TRIM72: variants seen among roughly 807,000 people sequenced by gnomAD.
TRIM72 encodes the protein tripartite motif-containing protein 72.
In TRIM72, 33 loss-of-function variants were observed where a neutral mutation model predicts 31.6. That is an observed-to-expected ratio of 1.04 (90% CI 0.79 to 1.40). TRIM72 has a LOEUF of 1.40. Ranked by LOEUF, TRIM72 falls within the 40% of genes most tolerant of loss-of-function variation. The pLI is 0.00. For missense variants in TRIM72, 666 were observed against 682.7 expected (o/e 0.98, Z 0.27); for synonymous variants, 301 against 314.4 (o/e 0.96, Z 0.45).
Position 31,219,203 on chromosome 16 carries a change from C to T in TRIM72, c.486+13C>T. On this transcript the variant is annotated intron_variant, in intron 3 of 6. Transcript: ENST00000322122. The surrounding 1 kb of genome is among the most constrained non-coding windows in gnomAD (Gnocchi z 4.2). ...GGTGGAGGTGGAGGTGAGGACTTCACAGGGCCATGTCTGAGGGCTGGGGGC... is the reference window on the plus strand; with the variant it reads ...GGTGGAGGTGGAGGTGAGGACTTCATAGGGCCATGTCTGAGGGCTGGGGGC... 1 of 1,613,682 alleles carries T rather than the reference C, an allele frequency of 6.2e-7. No homozygotes were observed. Among genetic ancestry groups the T allele is most frequent in the Non-Finnish European group, 8.5e-7 (1 of 1,179,808 alleles).
chr16:31,217,056 G>C (rs1054702349), intron 2 of TRIM72: 5 of 1,595,826 alleles, frequency 3.1e-6, no homozygotes, highest in African/African-American at 2.7e-5. Flanking sequence ...CTGAGCCTCC[G>C]AGGGCCTGGA....
At chr16:31,217,315 A>G (rs977919778) in intron 2 of TRIM72, 1 of 429,606 alleles carries the variant, frequency 2.3e-6, no homozygotes, top group Non-Finnish European at 4.2e-6. Flanking sequence ...CAGGAATGGA[A>G]CTGATTCCAT....
Position 31,219,911 on chromosome 16 carries a change from C to T in TRIM72, c.717+392C>T, listed in dbSNP as rs537085238. Among the ~76,000 whole-genome samples the T allele has an allele frequency of 1.3e-4, 19 of 151,370 alleles. No individual in the cohort carries two copies. The highest frequency in any genetic ancestry group is 3.9e-4 in the African/African-American group (16 of 41,164). On this transcript the variant is annotated intron_variant, in intron 4 of 6. Transcript: ENST00000322122. The surrounding 1 kb of genome is among the most constrained non-coding windows in gnomAD (Gnocchi z 4.2). Reference sequence around the variant, plus strand: ...CCGAGTAGCTGGGACTACAGGCACCCGCCACCACGCCTGGCTAATTTTTTC... The same window carrying T: ...CCGAGTAGCTGGGACTACAGGCACCTGCCACCACGCCTGGCTAATTTTTTC...
rs771894790 is a variant in TRIM72, at chr16:31,216,764, C to T, written c.390+1636C>T. The T allele has an allele frequency of 2.5e-6, 4 of 1,599,986 alleles. No individual in the cohort carries two copies. In the East Asian group the frequency reaches 6.7e-5, roughly 27 times the overall value. ...GTACCAGCTCAGAGTGGCCCTCACG[C>T]AGCCCGCTGCAGCCGTGCGGCCTCC... is the stretch of plus-strand genomic sequence containing the variant. On this transcript the variant is annotated intron_variant, in intron 2 of 6. Transcript: ENST00000322122. The surrounding 1 kb of genome is among the most constrained non-coding windows in gnomAD (Gnocchi z 6.7).
chr16:31,221,626 GAGAAGGGCATTGCTGGGAGA>G (rs1391077502), intron 5 of TRIM72, among the ~76,000 whole-genome samples: 1 of 144,106 alleles, frequency 6.9e-6, no homozygotes, highest in African/African-American at 2.6e-5. Flanking sequence ...GCATTGCTGG[GAGAAGGGCATTGCTGGGAGA>G]AGAAGGGCAT....
In TRIM72 at chr16:31,226,539, C is replaced by G. The variant is rs981052524; in HGVS notation, c.*1784C>G. 2.0e-5 allele frequency: 3 copies of G among 152,284 alleles called. No individual in the cohort carries two copies. The highest frequency in any genetic ancestry group is 2.0e-4 in the Admixed American group (3 of 15,288). 9.4% of individuals were successfully genotyped at this position (152,284 alleles called of 1,614,324 possible). A position where few individuals can be genotyped will look rare whatever the true frequency, so the allele number is the denominator to read the frequency against. The stretch of plus-strand genomic sequence containing the variant: ...TGCTTTGCCTCTGGGATATGTTTAT[C>G]GAGCGTCTTGAACGTTGAGGAAGCC... On this transcript the variant is annotated 3_prime_UTR_variant, in exon 7 of 7. Transcript: ENST00000322122.
Position 31,224,970 on chromosome 16 carries a change from C to G in TRIM72, c.*215C>G, listed in dbSNP as rs2079550389. 2.3e-6 allele frequency: 1 copy of G among 432,094 alleles called. No individual in the cohort carries two copies. Among genetic ancestry groups the G allele is most frequent in the South Asian group, 5.6e-5 (1 of 17,860 alleles). 26.8% of individuals were successfully genotyped at this position (432,094 alleles called of 1,614,324 possible). ...CTTTGGGAGACGGAGGCGGGTGGAT[C>G]ACCTGAGGTCAGGAGTTCAAGACCA... On this transcript the variant is annotated 3_prime_UTR_variant, in exon 7 of 7. Transcript: ENST00000322122.
At chr16:31,217,305 C>T in intron 2 of TRIM72, 1 of 476,124 alleles carries the variant, frequency 2.1e-6, no homozygotes, top group Non-Finnish European at 3.8e-6. Flanking sequence ...GTCATTGAGG[C>T]AGGAATGGAA....
chr16:31,215,805 G>T lies in TRIM72; in HGVS notation c.390+677G>T, dbSNP rs1360356375. Among the ~76,000 whole-genome samples, 1 of 152,158 alleles carries T rather than the reference G, an allele frequency of 6.6e-6. No homozygotes were observed. Among genetic ancestry groups the T allele is most frequent in the Non-Finnish European group, 1.5e-5 (1 of 68,024 alleles). On this transcript the variant is annotated intron_variant, in intron 2 of 6. Coordinates refer to ENST00000322122, the MANE Select transcript of TRIM72 (RefSeq NM_001008274.4). The surrounding 1 kb of genome is among the most constrained non-coding windows in gnomAD (Gnocchi z 6.3). Reference sequence around the variant, plus strand: ...TGGAGCTGGAAGTCCCGAAAGCCTTGGGAGCCCACACGCAGTTGTGCGCGT... The same window carrying T: ...TGGAGCTGGAAGTCCCGAAAGCCTTTGGAGCCCACACGCAGTTGTGCGCGT...
chr16:31,215,420 C>T lies in TRIM72; in HGVS notation c.390+292C>T, dbSNP rs1420281620. Among the ~76,000 whole-genome samples the T allele has an allele frequency of 6.6e-6, 1 of 152,114 alleles. No individual in the cohort carries two copies. Among genetic ancestry groups the T allele is most frequent in the Non-Finnish European group, 1.5e-5 (1 of 67,998 alleles). On this transcript the variant is annotated intron_variant, in intron 2 of 6. Transcript: ENST00000322122. This position sits in a 1 kb window ranked among gnomAD's most constrained non-coding sequence, Gnocchi z 6.3. ...AACTGGAGATGGGCGGGCGGAGCCCCAGGGCGGGTCTGATGGGCCGGGCGG... is the reference window on the plus strand; with the variant it reads ...AACTGGAGATGGGCGGGCGGAGCCCTAGGGCGGGTCTGATGGGCCGGGCGG...
intron 2 of TRIM72, among the ~76,000 whole-genome samples, chr16:31,218,573 T>C (rs991769482): frequency 3.9e-5 from 6 of 152,006 alleles, no homozygotes; most frequent in Admixed American, 6.6e-5. Flanking sequence ...TCCCAGCTAC[T>C]TGGGAGGCTG....
rs755383994 is a variant in TRIM72, at chr16:31,219,215, T to A, written c.486+25T>A. On this transcript the variant is annotated intron_variant, in intron 3 of 6. Transcript: ENST00000322122. The surrounding 1 kb of genome is among the most constrained non-coding windows in gnomAD (Gnocchi z 4.2). ...GGTGAGGACTTCACAGGGCCATGTC[T>A]GAGGGCTGGGGGCCAGGCTAGGGGT... The A allele has an allele frequency of 1.2e-6, 2 of 1,613,902 alleles. No individual in the cohort carries two copies. Among genetic ancestry groups the A allele is most frequent in the Non-Finnish European group, 1.7e-6 (2 of 1,179,894 alleles).
Position 31,231,032 on chromosome 16 carries a change from TG to T in TRIM72, c.*6278del, listed in dbSNP as rs1478519889. Reference sequence around the variant, plus strand: ...CTAGGTTGCCTCTTTTGTTTTGTTTTGTTTTTTTTTTGAGATGGAGTCTCAC... The same window carrying T: ...CTAGGTTGCCTCTTTTGTTTTGTTTTTTTTTTTTTTGAGATGGAGTCTCAC... On this transcript the variant is annotated 3_prime_UTR_variant, in exon 7 of 7. Transcript: ENST00000322122. 6.6e-6 allele frequency: 1 copy of T among 151,666 alleles called. No homozygotes were observed. The highest frequency in any genetic ancestry group is 2.4e-5 in the African/African-American group (1 of 41,292). 9.4% of individuals were successfully genotyped at this position (151,666 alleles called of 1,614,324 possible).
chr16:31,220,028 G>A (rs2079526526), intron 4 of TRIM72, among the ~76,000 whole-genome samples: 1 of 150,934 alleles, frequency 6.6e-6, no homozygotes, highest in Non-Finnish European at 1.5e-5. Flanking sequence ...CTCCCAAAGT[G>A]CTGGGATTAC....
chr16:31,219,644 A>T lies in TRIM72; in HGVS notation c.717+125A>T. The T allele has an allele frequency of 1.2e-6, 1 of 867,648 alleles. No homozygotes were observed. Among genetic ancestry groups the T allele is most frequent in the Non-Finnish European group, 1.8e-6 (1 of 549,730 alleles). 53.7% of individuals were successfully genotyped at this position (867,648 alleles called of 1,614,324 possible). ...CCAGCAGCACACAGCCGGGAGGGGCAGGCCTCAGGACTGCTATATGGTTGT... is the reference window on the plus strand; with the variant it reads ...CCAGCAGCACACAGCCGGGAGGGGCTGGCCTCAGGACTGCTATATGGTTGT... On this transcript the variant is annotated intron_variant, in intron 4 of 6. Transcript: ENST00000322122. This position sits in a 1 kb window ranked among gnomAD's most constrained non-coding sequence, Gnocchi z 4.2.
rs973998160 is a variant in TRIM72, at chr16:31,216,962, A to C, written c.390+1834A>C. 4.3e-6 allele frequency: 7 copies of C among 1,613,906 alleles called. No individual in the cohort carries two copies. Among genetic ancestry groups the C allele is most frequent in the Non-Finnish European group, 5.9e-6 (7 of 1,179,982 alleles). On this transcript the variant is annotated intron_variant, in intron 2 of 6. Transcript: ENST00000322122. This position sits in a 1 kb window ranked among gnomAD's most constrained non-coding sequence, Gnocchi z 6.7. Reference sequence around the variant, plus strand: ...GGCACCGTCCCCAGCTTCATCTTGAACTTCTTGAGCTCCTCCGGTGTCAGG... The same window carrying C: ...GGCACCGTCCCCAGCTTCATCTTGACCTTCTTGAGCTCCTCCGGTGTCAGG...
At position 31,219,625 on chromosome 16, in the gene TRIM72, G is replaced by C. The variant is rs1329595595; in HGVS notation, c.717+106G>C. On this transcript the variant is annotated intron_variant, in intron 4 of 6. Coordinates refer to ENST00000322122, the MANE Select transcript of TRIM72 (RefSeq NM_001008274.4). This position sits in a 1 kb window ranked among gnomAD's most constrained non-coding sequence, Gnocchi z 4.2. The stretch of plus-strand genomic sequence containing the variant: ...AGAGAGGGGCAGGGATAAGCCAGCA[G>C]CACACAGCCGGGAGGGGCAGGCCTC... The C allele has an allele frequency of 2.8e-6, 3 of 1,077,848 alleles. No individual in the cohort carries two copies. Among genetic ancestry groups the C allele is most frequent in the East Asian group, 2.6e-5 (1 of 38,916 alleles). The allele number at this position is 1,077,848 out of a possible 1,614,324, so 66.8% of individuals were successfully genotyped here. A position where few individuals can be genotyped will look rare whatever the true frequency, so the allele number is the denominator to read the frequency against.
Position 31,216,916 on chromosome 16 carries a change from C to T in TRIM72, c.390+1788C>T, listed in dbSNP as rs1596937933. 1.9e-6 allele frequency: 3 copies of T among 1,614,132 alleles called. No individual in the cohort carries two copies. The highest frequency in any genetic ancestry group is 2.5e-6 in the Non-Finnish European group (3 of 1,180,038). On this transcript the variant is annotated intron_variant, in intron 2 of 6. Transcript: ENST00000322122. The surrounding 1 kb of genome is among the most constrained non-coding windows in gnomAD (Gnocchi z 6.7). The stretch of plus-strand genomic sequence containing the variant: ...CTGCCCGAGCGCGCCCCGCGGGATG[C>T]GCTCAAAGCCCTCGCGCAGCGGCAC...
At position 31,215,157 on chromosome 16, in the gene TRIM72, A is replaced by C; in HGVS notation, c.390+29A>C. On this transcript the variant is annotated intron_variant, in intron 2 of 6. Transcript: ENST00000322122. The surrounding 1 kb of genome is among the most constrained non-coding windows in gnomAD (Gnocchi z 6.3). Reference sequence around the variant, plus strand: ...CGGGATCCGCGCGCATCGTGGTCGGAGGGGCTGTTCGGTGGCACGGGGCCG... The same window carrying C: ...CGGGATCCGCGCGCATCGTGGTCGGCGGGGCTGTTCGGTGGCACGGGGCCG... The C allele has an allele frequency of 7.2e-7, 1 of 1,383,656 alleles. No homozygotes were observed. The highest frequency in any genetic ancestry group is 9.3e-7 in the Non-Finnish European group (1 of 1,072,616). The allele number at this position is 1,383,656 out of a possible 1,614,324, so 85.7% of individuals were successfully genotyped here.
Sources: gnomAD v4.1 joint callset for allele counts (sites outside exome capture counted in the v4.1 genomes callset) on GRCh38, gnomAD v4.1.1 for gene constraint, Gnocchi (gnomAD v3.1) non-coding constraint, MANE v1.5 for transcripts, NCBI Gene and HGNC (gene_info 2026-07-23, HGNC 2026-07-21) for gene names.